TDRD6: variants seen among roughly 807,000 people sequenced by gnomAD.
TDRD6 encodes the protein tudor domain containing 6, also known as tudor domain-containing protein 6.
TDRD6 carries 186 observed loss-of-function variants against 157.5 expected under a neutral mutation model. That is an observed-to-expected ratio of 1.18 (90% CI 1.05 to 1.33). TDRD6 has a LOEUF of 1.33. TDRD6 is among the 40% of genes most tolerant of loss of function. The pLI is 0.00. For synonymous variants in TDRD6, 1,075 were observed against 945.2 expected (o/e 1.14, Z -2.52); for missense variants, 3,066 against 2,508.0 (o/e 1.22, Z -4.75).
At chr6:46,683,525 A>C (rs751054347), upstream of TDRD6, among the ~76,000 whole-genome samples, 1 of 152,054 alleles carries the variant, frequency 6.6e-6, no homozygotes, top group Non-Finnish European at 1.5e-5. Flanking sequence ...TTCAAAAGAC[A>C]CTATTTAAGG....
upstream of TDRD6, among the ~76,000 whole-genome samples, chr6:46,686,113 T>C (rs1313325170): frequency 1.3e-5 from 2 of 152,114 alleles, no homozygotes; most frequent in African/African-American, 2.4e-5. Flanking sequence ...CCATGAGCCA[T>C]GGAAGGAGGT....
At chr6:46,698,507 T>A (rs993771773) in intron 3 of TDRD6, among the ~76,000 whole-genome samples, 2 of 152,214 alleles carry the variant, frequency 1.3e-5, no homozygotes, top group African/African-American at 4.8e-5. Context: ...TTAGACACAA[T>A]TGATTTCATC....
intron 1 of TDRD6, among the ~76,000 whole-genome samples, chr6:46,695,190 G>T (rs1764458979): frequency 6.6e-6 from 1 of 152,040 alleles, no homozygotes; most frequent in African/African-American, 2.4e-5. Context: ...AACAAGAAGT[G>T]ATCAATGTTA....
At chr6:46,695,554 C>T (rs1351405689) in intron 1 of TDRD6, among the ~76,000 whole-genome samples, 8 of 151,850 alleles carry the variant, frequency 5.3e-5, no homozygotes, top group East Asian at 1.9e-4. Context: ...ATTTTATTAG[C>T]GATTTTCACT....
At position 46,695,758 on chromosome 6, in the gene TDRD6, T is replaced by C. The variant is rs900275599; in HGVS notation, c.6047-63T>C. On this transcript the variant is annotated intron_variant, in intron 1 of 3. Transcript: ENST00000316081. ...ATGCAGATTAGGAAAATGCTTTGCT[T>C]GTGTATGTTACATTAAGGAATTAAG... The C allele has an allele frequency of 5.7e-5, 86 of 1,521,404 alleles. 1 individual carries two copies. In the African/African-American group the frequency reaches 9.6e-4, roughly 17 times the overall value. 94.2% of individuals were successfully genotyped at this position (1,521,404 alleles called of 1,614,324 possible). A position where few individuals can be genotyped will look rare whatever the true frequency, so the allele number is the denominator to read the frequency against.
chr6:46,692,922 A>T lies in TDRD6; in HGVS notation c.4794A>T (p.Val1598=). ...LITNICEDYL[V]SVRLVDFGNI... ...CTAATATTTGTGAAGATTATCTTGT[A>T]TCTGTCAGGCTTGTGGACTTTGGAA... The change falls in exon 1 of 4, where the codon GTA becomes GTT. Residue 1598 remains valine, a synonymous_variant. Coordinates refer to ENST00000316081, the MANE Select transcript of TDRD6 (RefSeq NM_001010870.3). 1 of 1,614,114 alleles carries T rather than the reference A, an allele frequency of 6.2e-7. No homozygotes were observed. The highest frequency in any genetic ancestry group is 8.5e-7 in the Non-Finnish European group (1 of 1,180,012).
Position 46,691,036 on chromosome 6 carries a change from G to A in TDRD6, c.2908G>A (p.Val970Ile). The A allele has an allele frequency of 6.2e-7, 1 of 1,613,676 alleles. No individual in the cohort carries two copies. Among genetic ancestry groups the A allele is most frequent in the Non-Finnish European group, 8.5e-7 (1 of 1,179,870 alleles). ...VKLQKPLESSVQLHSYFYSTH... is the reference protein window; with the variant it reads ...VKLQKPLESSIQLHSYFYSTH... The stretch of plus-strand genomic sequence containing the variant: ...ACTTCAGAAGCCTTTGGAGTCCTCT[G>A]TTCAGCTACATTCCTACTTCTATTC... The change falls in exon 1 of 4, where the codon GTT becomes ATT. Residue 970 changes from valine to isoleucine, a missense_variant. Coordinates refer to ENST00000316081, the MANE Select transcript of TDRD6 (RefSeq NM_001010870.3).
chr6:46,700,968 T>A (rs1367291242), intron 3 of TDRD6: 1 of 405,046 alleles, frequency 2.5e-6, no homozygotes, highest in East Asian at 8.6e-5. Flanking sequence ...TGATAAAGAA[T>A]CAATAGCAAT....
chr6:46,685,149 T>C (rs1277968167), upstream of TDRD6, among the ~76,000 whole-genome samples: 1 of 152,160 alleles, frequency 6.6e-6, no homozygotes. Context: ...TTTTTACTAT[T>C]GAGTTTCGAG....
chr6:46,701,834 G>A (rs1764633749), intron 3 of TDRD6, 24 bp from the exon 4 acceptor site: 1 of 1,612,014 alleles, frequency 6.2e-7, no homozygotes, highest in Admixed American at 1.7e-5. Flanking sequence ...TTCTCAGTTT[G>A]AAGTTTTTCT....
rs752867752 is a variant in TDRD6 at position 46,695,926 on chromosome 6, C to T, written c.6152C>T (p.Thr2051Ile). The change falls in exon 2 of 4, where the codon ACA becomes ATA. Residue 2051 changes from threonine (T) to isoleucine (I), a missense_variant. Coordinates refer to ENST00000316081, the MANE Select transcript of TDRD6 (RefSeq NM_001010870.3). ...NTWSKCEILE[T>I]AEEGTRVLNL... ...TGGTCTAAATGTGAGATTTTAGAAA[C>T]AGCTGAAGAAGGAACAAGGGTAAGT... The T allele has an allele frequency of 6.2e-7, 1 of 1,612,844 alleles. No homozygotes were observed. The highest frequency in any genetic ancestry group is 2.2e-5 in the East Asian group (1 of 44,730).
Position 46,689,920 on chromosome 6 carries a change from G to T in TDRD6, c.1792G>T (p.Val598Leu), listed in dbSNP as rs1368416044. The change falls in exon 1 of 4, where the codon GTG becomes TTG. Residue 598 changes from valine to leucine, a missense_variant. Physicochemically the swap from Val to Leu is conservative, Grantham distance 32. Coordinates refer to ENST00000316081, the MANE Select transcript of TDRD6 (RefSeq NM_001010870.3). ...GTTTAGGCAGCTACCAATATTGGCT[G>T]TGAAGTGCACCCTGGCTGATATTTG... ...PQFRQLPILA[V>L]KCTLADIWPL... 5 of 1,614,120 alleles carry T rather than the reference G, an allele frequency of 3.1e-6. No individual in the cohort carries two copies. The highest frequency in any genetic ancestry group is 4.2e-6 in the Non-Finnish European group (5 of 1,180,058).
At position 46,691,722 on chromosome 6, in the gene TDRD6, A is replaced by T. The variant is rs771789220; in HGVS notation, c.3594A>T (p.Ser1198=). The part of the protein sequence containing the change: ...KLPCTEYLSK[S]VGYKLPNKEI... ...CATGTACAGAGTATTTAAGTAAATC[A>T]GTAGGGTACAAGTTACCTAATAAAG... The change falls in exon 1 of 4, where the codon TCA becomes TCT. Residue 1198 remains serine (S), a synonymous_variant. Coordinates refer to ENST00000316081, the MANE Select transcript of TDRD6 (RefSeq NM_001010870.3). 2 of 1,604,518 alleles carry T rather than the reference A, an allele frequency of 1.2e-6. No individual in the cohort carries two copies. The highest frequency in any genetic ancestry group is 1.1e-5 in the South Asian group (1 of 89,254).
chr6:46,681,407 C>A, the TDRD6 span: 2 of 351,360 alleles, frequency 5.7e-6, no homozygotes, highest in Admixed American at 6.9e-5. Context: ...GAAATTATAT[C>A]ACTATTTGGC....
In TDRD6 at chr6:46,689,067, G is replaced by A. The variant is rs1410820781; in HGVS notation, c.939G>A (p.Pro313=). 1.9e-6 allele frequency: 3 copies of A among 1,614,056 alleles called. No individual in the cohort carries two copies. Among genetic ancestry groups the A allele is most frequent in the Admixed American group, 1.7e-5 (1 of 60,028 alleles). Reference sequence around the variant, plus strand: ...AGAGGGAGGAGAGCCCAGATAAGCCGGGCTCTCCGTGTGCATCCTGTGGCC... The same window carrying A: ...AGAGGGAGGAGAGCCCAGATAAGCCAGGCTCTCCGTGTGCATCCTGTGGCC... The part of the protein sequence containing the change: ...WEEREESPDK[P]GSPCASCGLD... Residue 313 remains proline, a synonymous_variant, in exon 1 of 4, where the codon CCG becomes CCA. Transcript: ENST00000316081.
rs753620136 is a variant in TDRD6, at chr6:46,691,954, C to CGAAAAAGAA, written c.3826_3827insGAAAAAGAA (p.Leu1276delinsArgLysArgIle). ...GAAAACAGCAAGAGTAGAAGCTACTCTTTCAGAGAGAAAAATAGGAGATTC... is the reference window on the plus strand; with the variant it reads ...GAAAACAGCAAGAGTAGAAGCTACTCGAAAAAGAATTTCAGAGAGAAAAATAGGAGATTC... On this transcript the variant is annotated protein_altering_variant, in exon 1 of 4. Coordinates refer to ENST00000316081, the MANE Select transcript of TDRD6 (RefSeq NM_001010870.3). The CGAAAAAGAA allele has an allele frequency of 5.6e-5, 91 of 1,612,984 alleles. No homozygotes were observed. Among genetic ancestry groups the CGAAAAAGAA allele is most frequent in the African/African-American group, 8.0e-5 (6 of 74,814 alleles).
Sources: allele counts gnomAD v4.1 joint callset (sites outside exome capture counted in the v4.1 genomes callset), GRCh38; gene constraint gnomAD v4.1.1; transcripts MANE v1.5; gene names NCBI Gene and HGNC (gene_info 2026-07-23, HGNC 2026-07-21).